Variants in RYR2 observed in about 807,000 individuals in gnomAD.
The protein encoded by RYR2 is ryanodine receptor 2, also known as cardiac muscle ryanodine receptor-calcium release channel.
In RYR2, 227 loss-of-function variants were observed where a neutral mutation model predicts 601.1. That is an observed-to-expected ratio of 0.38 (90% CI 0.34 to 0.42). The LOEUF is 0.42. RYR2 is among the 10% of genes least tolerant of loss of function. The probability of loss-of-function intolerance (pLI) is 1.00; values close to 1 mark genes in which losing one functional copy is unlikely to be tolerated. For missense variants in RYR2, 4,646 were observed against 6,156.5 expected (o/e 0.75, Z 8.21); for synonymous variants, 2,223 against 2,175.1 (o/e 1.02, Z -0.61).
chr1:237,527,722 T>TTAAAATGTGGAACCC (rs1667733996), intron 24 of RYR2, among the ~76,000 whole-genome samples: 1 of 152,240 alleles, frequency 6.6e-6, no homozygotes, highest in Non-Finnish European at 1.5e-5. Context: ...ATGTAACTTT[T>TTAAAATGTGGAACCC]TAAAATGTGG....
intron 23 of RYR2, among the ~76,000 whole-genome samples, chr1:237,508,519 A>G (rs1175994202): frequency 6.6e-6 from 1 of 151,646 alleles, no homozygotes; most frequent in Non-Finnish European, 1.5e-5. Context: ...TATAATAGCA[A>G]ATATTTCAAC....
chr1:237,326,916 AT>A (rs968621371), intron 2 of RYR2, among the ~76,000 whole-genome samples: 1 of 152,130 alleles, frequency 6.6e-6, no homozygotes, highest in African/African-American at 2.4e-5. Context: ...ATGCTGCTTT[AT>A]TTTTGGGAAG....
intron 1 of RYR2, among the ~76,000 whole-genome samples, chr1:237,195,650 G>A (rs1220256104): frequency 1.3e-5 from 2 of 152,110 alleles, no homozygotes; most frequent in Non-Finnish European, 2.9e-5. Context: ...GAAGGAGTGT[G>A]GATTAGTGGT....
chr1:237,686,022 A>G (rs1282260774), intron 62 of RYR2, among the ~76,000 whole-genome samples: 1 of 152,190 alleles, frequency 6.6e-6, no homozygotes, highest in Non-Finnish European at 1.5e-5. Flanking sequence ...CAACCTCACA[A>G]ACGTTACCTT....
intron 72 of RYR2, among the ~76,000 whole-genome samples, chr1:237,717,732 C>T (rs1021900754): frequency 1.3e-5 from 2 of 152,068 alleles, no homozygotes; most frequent in African/African-American, 4.8e-5. Flanking sequence ...ATATATTGTG[C>T]CAACTGTGGG....
intron 2 of RYR2, among the ~76,000 whole-genome samples, chr1:237,281,259 A>G (rs1025783454): frequency 4.6e-5 from 7 of 152,202 alleles, no homozygotes; most frequent in Non-Finnish European, 1.0e-4. Flanking sequence ...ATACAACATC[A>G]GTGTCTTGCC....
rs1319404356 is a variant in RYR2 at position 237,623,970 on chromosome 1, A to C, written c.6022+100A>C. 10 of 748,894 alleles carry C rather than the reference A, an allele frequency of 1.3e-5. 2 individuals are homozygous for C. The highest frequency in any genetic ancestry group is 3.4e-4 in the Middle Eastern group (1 of 2,962). The allele number at this position is 748,894 out of a possible 1,614,324, so 46.4% of individuals were successfully genotyped here. Reference sequence around the variant, plus strand: ...TATATGCGAATATTTTCACGAATACACACGATACCTGTTAGAAAGTTATAT... The same window carrying C: ...TATATGCGAATATTTTCACGAATACCCACGATACCTGTTAGAAAGTTATAT... On this transcript the variant is annotated intron_variant, in intron 39 of 104. Coordinates refer to ENST00000366574, the MANE Select transcript of RYR2 (RefSeq NM_001035.3).
rs1700027062 is a variant in RYR2, at chr1:237,364,351, C to T, written c.295-7C>T. On this transcript the variant is annotated splice_region_variant and splice_polypyrimidine_tract_variant and intron_variant, in intron 4 of 104. Transcript: ENST00000366574. The stretch of plus-strand genomic sequence containing the variant: ...ATGTTTCCTCTCTTTTCCTTATGCC[C>T]CTACAGAAATTCATGATGAAGGTAA... The T allele has an allele frequency of 1.3e-6, 2 of 1,573,688 alleles. No homozygotes were observed. The highest frequency in any genetic ancestry group is 1.2e-5 in the South Asian group (1 of 85,872).
intron 12 of RYR2, among the ~76,000 whole-genome samples, chr1:237,437,293 C>A (rs1707497635): frequency 6.6e-6 from 1 of 152,074 alleles, no homozygotes; most frequent in Admixed American, 6.5e-5. Flanking sequence ...ACCTCATGAT[C>A]CGCCCACCTC....
rs746806555 is a variant in RYR2, at chr1:237,756,365, A to G, written c.11223A>G (p.Leu3741=). ...LHDRGAAEMV[L]QTISASKGET... ...ATCGTGGCGCGGCTGAGATGGTGCT[A>G]CAGACAATCAGTGCCAGCAAAGGTA... Residue 3741 remains leucine (L), a synonymous_variant, in exon 81 of 105, where the codon CTA becomes CTG. Coordinates refer to ENST00000366574, the MANE Select transcript of RYR2 (RefSeq NM_001035.3). The G allele has an allele frequency of 1.9e-6, 3 of 1,612,642 alleles. No homozygotes were observed. The highest frequency in any genetic ancestry group is 1.1e-5 in the South Asian group (1 of 90,988).
intron 2 of RYR2, among the ~76,000 whole-genome samples, chr1:237,308,893 T>C (rs796831847): frequency 3.9e-5 from 6 of 152,326 alleles, no homozygotes; most frequent in African/African-American, 1.4e-4. Flanking sequence ...TTGGTCTGTC[T>C]TATAGAGAGC....
chr1:237,800,278 A>AT (rs1046786240), intron 97 of RYR2, among the ~76,000 whole-genome samples: 5 of 152,182 alleles, frequency 3.3e-5, no homozygotes, highest in East Asian at 1.9e-4. Context: ...AAACTACTAC[A>AT]TTTTTTCCCC....
chr1:237,224,076 TAAC>T (rs1684104702), intron 1 of RYR2, among the ~76,000 whole-genome samples: 1 of 152,190 alleles, frequency 6.6e-6, no homozygotes, highest in Non-Finnish European at 1.5e-5. Context: ...ATAGTATTAA[TAAC>T]AAGAGAAATG....
chr1:237,424,799 C>T (rs1705974886), intron 12 of RYR2, among the ~76,000 whole-genome samples: 1 of 152,090 alleles, frequency 6.6e-6, no homozygotes, highest in South Asian at 2.1e-4. Context: ...CCTGTCACAG[C>T]ATAGGATTGG....
intron 4 of RYR2, among the ~76,000 whole-genome samples, chr1:237,358,047 A>T (rs575009715): frequency 6.6e-6 from 1 of 152,298 alleles, no homozygotes; most frequent in Non-Finnish European, 1.5e-5. Context: ...TGTTACAGGT[A>T]GACTTTGAAG....
chr1:237,469,467 A>G (rs2150304614), intron 17 of RYR2, among the ~76,000 whole-genome samples: 1 of 152,206 alleles, frequency 6.6e-6, no homozygotes, highest in African/African-American at 2.4e-5. Flanking sequence ...TTGGTGTAAT[A>G]TAAGTGTTTT....
At chr1:237,294,966 C>A (rs555100124) in intron 2 of RYR2, among the ~76,000 whole-genome samples, 1 of 152,188 alleles carries the variant, frequency 6.6e-6, no homozygotes, top group Admixed American at 6.5e-5. Context: ...ATAATCCCAG[C>A]AGTTTGGGAG....
At chr1:237,560,751 G>A (rs761747153) in intron 27 of RYR2, among the ~76,000 whole-genome samples, 2 of 152,098 alleles carry the variant, frequency 1.3e-5, no homozygotes, top group Non-Finnish European at 2.9e-5. Flanking sequence ...GAGGATTTTT[G>A]GAGATTCTTT....
At chr1:237,119,051 C>T (rs1354647839) in intron 1 of RYR2, among the ~76,000 whole-genome samples, 1 of 152,100 alleles carries the variant, frequency 6.6e-6, no homozygotes, top group Non-Finnish European at 1.5e-5. Context: ...AGTTGAAGCC[C>T]TAACCCCCTA....
Sources: allele counts gnomAD v4.1 joint callset (sites outside exome capture counted in the v4.1 genomes callset), GRCh38; gene constraint gnomAD v4.1.1; transcripts MANE v1.5; gene names NCBI Gene and HGNC (gene_info 2026-07-23, HGNC 2026-07-21).